Variants in TARM1 observed in about 807,000 individuals in gnomAD.
The protein encoded by TARM1 is T cell-interacting, activating receptor on myeloid cells 1, also known as T-cell-interacting, activating receptor on myeloid cells protein 1.
A neutral mutation model predicts 30.4 loss-of-function variants in TARM1; 24 were observed. The ratio of observed to expected loss-of-function variants is 0.79; its 90% CI spans 0.57 to 1.11. The LOEUF (loss-of-function observed/expected upper bound fraction) is 1.11, where lower values mean the gene tolerates loss of function less well. TARM1 is among the 50% of genes least tolerant of loss of function. The pLI is 0.00. For synonymous variants in TARM1, 129 were observed against 138.9 expected, an observed-to-expected ratio of 0.93 and a Z score of 0.50; for missense variants, 323 against 332.8, an observed-to-expected ratio of 0.97 and a Z score of 0.23.
chr19:54,070,042 A>G lies in TARM1; in HGVS notation c.777T>C (p.Asn259=), dbSNP rs1193671161. The change falls in exon 5 of 5, where the codon AAT becomes AAC. Residue 259 remains asparagine (N), a synonymous_variant. Transcript: ENST00000432826. ...AFLVEAWYSR[N]VSPGESEAFK... is the part of the protein sequence containing the mutation. ...AGGCCTCTGATTCACCTGGAGACACATTCCGGCTGTACCAGGCCTCCACCA... is the reference window on the plus strand; with the variant it reads ...AGGCCTCTGATTCACCTGGAGACACGTTCCGGCTGTACCAGGCCTCCACCA... 6 of 1,551,506 alleles carry G rather than the reference A, an allele frequency of 3.9e-6. No individual in the cohort carries two copies. The highest frequency in any genetic ancestry group is 1.2e-5 in the South Asian group (1 of 84,060).
intron 4 of TARM1, 22 bp from the exon 5 acceptor site, chr19:54,070,182 G>A: frequency 6.5e-7 from 1 of 1,549,590 alleles, no homozygotes; most frequent in Non-Finnish European, 8.7e-7. Context: ...AAGGGGCTCA[G>A]CACTGACCCT....
intron 1 of TARM1, among the ~76,000 whole-genome samples, chr19:54,080,477 A>AAAGC (rs2072096739): frequency 8.7e-6 from 1 of 114,786 alleles, no homozygotes. Context: ...AAAAAGAAAG[A>AAAGC]GAGAGAGAGG....
At chr19:54,070,225 C>G (rs1340967298) in intron 4 of TARM1, 65 bp from the exon 5 acceptor site, 1 of 1,501,744 alleles carries the variant, frequency 6.7e-7, no homozygotes, top group African/African-American at 1.4e-5. Context: ...AATGGCCCCA[C>G]CAAATCTGAC....
chr19:54,076,326 T>TTGTC, intron 1 of TARM1: 2 of 562,040 alleles, frequency 3.6e-6, no homozygotes, highest in East Asian at 6.4e-5. Flanking sequence ...CTTTCTTTCT[T>TTGTC]TTTCTTTCTT....
In TARM1 at chr19:54,074,292, A is replaced by AGGCTCTC. The variant is rs2071889989; in HGVS notation, c.362-83_362-77dup. 2.9e-6 allele frequency: 4 copies of AGGCTCTC among 1,381,500 alleles called. No homozygotes were observed. In the East Asian group the frequency reaches 7.5e-5, roughly 26 times the overall value. The allele number at this position is 1,381,500 out of a possible 1,614,324, so 85.6% of individuals were successfully genotyped here. A position where few individuals can be genotyped will look rare whatever the true frequency, so the allele number is the denominator to read the frequency against. On this transcript the variant is annotated intron_variant, in intron 3 of 4. Transcript: ENST00000432826. ...CACTCACCCCTGTTCTCCTGGCCGG[A>AGGCTCTC]GGCTCTCGTGGAGTGTGGGAAATGA...
chr19:54,070,236 T>C, intron 4 of TARM1, 76 bp from the exon 5 acceptor site: 1 of 1,488,982 alleles, frequency 6.7e-7, no homozygotes. Context: ...CAAATCTGAC[T>C]ATCATCACCC....
rs906978834 is a variant in TARM1, at chr19:54,070,175, G to A, written c.659-15C>T. ...ACCTGGGGGAACTGAAAGAGAGAAG[G>A]GGCTCAGCACTGACCCTCAGAGGGT... On this transcript the variant is annotated splice_polypyrimidine_tract_variant and intron_variant, in intron 4 of 4. Transcript: ENST00000432826. 3.5e-5 allele frequency: 55 copies of A among 1,550,628 alleles called. No individual in the cohort carries two copies. The highest frequency in any genetic ancestry group is 4.7e-5 in the Non-Finnish European group (54 of 1,146,488).
intron 1 of TARM1, among the ~76,000 whole-genome samples, chr19:54,078,153 T>A (rs2072004824): frequency 6.6e-6 from 1 of 150,440 alleles, no homozygotes; most frequent in African/African-American, 2.4e-5. Context: ...TCCAAAATGC[T>A]TTTTTCTTTT....
At chr19:54,072,849 G>C (rs986725344) in intron 4 of TARM1, among the ~76,000 whole-genome samples, 1 of 151,806 alleles carries the variant, frequency 6.6e-6, no homozygotes, top group Non-Finnish European at 1.5e-5. Context: ...GTGGTGGCGG[G>C]CACATGTAAT....
chr19:54,074,003 C>T lies in TARM1; in HGVS notation c.575G>A (p.Gly192Glu). Residue 192 changes from glycine (G) to glutamate (E), a missense_variant, in exon 4 of 5, where the codon GGG becomes GAG. Coordinates refer to ENST00000432826, the MANE Select transcript of TARM1 (RefSeq NM_001135686.3). ...SLVDVTAGDAGNYSCMYYQTK... is the reference protein window; with the variant it reads ...SLVDVTAGDAENYSCMYYQTK... ...CTGGTAGTACATGCAGCTGTAGTTC[C>T]CAGCATCGCCGGCTGTCACGTCCAC... The T allele has an allele frequency of 2.6e-6, 4 of 1,551,666 alleles. No individual in the cohort carries two copies. Among genetic ancestry groups the T allele is most frequent in the Non-Finnish European group, 3.5e-6 (4 of 1,146,986 alleles).
At chr19:54,076,137 C>T in intron 1 of TARM1, 1 of 1,478,454 alleles carries the variant, frequency 6.8e-7, no homozygotes, top group Non-Finnish European at 8.9e-7. Flanking sequence ...TCCTGTGTGG[C>T]TGTCACCTCC....
chr19:54,074,172 C>T lies in TARM1; in HGVS notation c.406G>A (p.Val136Met), dbSNP rs1380466904. 6.4e-7 allele frequency: 1 copy of T among 1,551,700 alleles called. No homozygotes were observed. The highest frequency in any genetic ancestry group is 2.0e-5 in the Admixed American group (1 of 50,992). ...PFLRTYQRGT[V>M]TAGGRVTLQC... ...AGAGTCACCCTTCCACCTGCGGTCA[C>T]TGTACCCCTTTGGTAGGTTCGGAGG... The change falls in exon 4 of 5, where the codon GTG becomes ATG. Residue 136 changes from valine (V) to methionine (M), a missense_variant. Transcript: ENST00000432826.
intron 1 of TARM1, 24 bp from the exon 2 acceptor site, chr19:54,075,942 C>T: frequency 6.4e-7 from 1 of 1,550,956 alleles, no homozygotes; most frequent in Non-Finnish European, 8.7e-7. Context: ...CTCCGTGAGC[C>T]AGAAGCCCCT....
At chr19:54,078,221 T>C (rs1391635174) in intron 1 of TARM1, among the ~76,000 whole-genome samples, 2 of 141,432 alleles carry the variant, frequency 1.4e-5, no homozygotes, top group Admixed American at 1.5e-4. Context: ...GGTCTCGCTC[T>C]GCTGCCCAGG....
In TARM1 at chr19:54,074,402, G is replaced by T. The variant is rs587775493; in HGVS notation, c.362-186C>A. On this transcript the variant is annotated intron_variant, in intron 3 of 4. Transcript: ENST00000432826. Reference sequence around the variant, plus strand: ...CTCCCTCCTACAAGACCTGTGTAAGGCCTGGCATGGTGGCTCACACCTGTA... The same window carrying T: ...CTCCCTCCTACAAGACCTGTGTAAGTCCTGGCATGGTGGCTCACACCTGTA... Among the ~76,000 whole-genome samples the T allele has an allele frequency of 2.6e-5, 4 of 152,260 alleles. No homozygotes were observed. In the South Asian group the frequency reaches 8.3e-4, roughly 32 times the overall value.
At position 54,081,314 on chromosome 19, in the gene TARM1, G is replaced by C; in HGVS notation, c.27C>G (p.Leu9=). The stretch of plus-strand genomic sequence containing the variant: ...TAGCCCTGTGAGACTTACTGAAACA[G>C]AGGAGGGAAAGCAGCTTAGGGATCA... MIPKLLSL[L]CFRLCVGQGD... Residue 9 remains leucine, a synonymous_variant, in exon 1 of 5, where the codon CTC becomes CTG. Transcript: ENST00000432826. The C allele has an allele frequency of 1.3e-6, 2 of 1,547,906 alleles. No individual in the cohort carries two copies. The highest frequency in any genetic ancestry group is 2.0e-5 in the Admixed American group (1 of 50,204).
intron 1 of TARM1, among the ~76,000 whole-genome samples, chr19:54,077,012 C>G (rs888143040): frequency 2.6e-5 from 4 of 152,158 alleles, no homozygotes; most frequent in African/African-American, 9.7e-5. Flanking sequence ...TACGTTCCTC[C>G]CTGTTTCACA....
intron 4 of TARM1, among the ~76,000 whole-genome samples, chr19:54,073,180 A>G (rs2071852831): frequency 6.6e-6 from 1 of 150,976 alleles, no homozygotes; most frequent in Non-Finnish European, 1.5e-5. Flanking sequence ...AGGCCGAGGC[A>G]GGCAGATCAC....
intron 4 of TARM1, among the ~76,000 whole-genome samples, chr19:54,070,879 T>C (rs899798015): frequency 1.3e-4 from 20 of 152,308 alleles, no homozygotes; most frequent in Non-Finnish European, 8.8e-5. Context: ...CCCAAAGTGT[T>C]GGGATTATAG....
Sources: gnomAD v4.1 joint callset for allele counts (sites outside exome capture counted in the v4.1 genomes callset) on GRCh38, gnomAD v4.1.1 for gene constraint, MANE v1.5 for transcripts, NCBI Gene and HGNC (gene_info 2026-07-23, HGNC 2026-07-21) for gene names.